DTNB: variants seen among roughly 807,000 people sequenced by gnomAD.
DTNB encodes dystrobrevin beta, also known as DTN-B.
Under a neutral mutation model 90.7 loss-of-function variants are expected in DTNB, and 63 were observed. The ratio of observed to expected loss-of-function variants is 0.69; its 90% confidence interval spans 0.57 to 0.86. The LOEUF is 0.86. DTNB is among the 40% of genes least tolerant of loss of function. DTNB has a pLI of 0.00. For synonymous variants in DTNB, 277 were observed against 286.7 expected (o/e 0.97, Z 0.34); for missense variants, 744 against 807.1 (o/e 0.92, Z 0.95).
chr2:25,508,478 G>A (rs1284234233), intron 9 of DTNB, among the ~76,000 whole-genome samples: 1 of 151,450 alleles, frequency 6.6e-6, no homozygotes, highest in Non-Finnish European at 1.5e-5. Context: ...ATTTATTTAG[G>A]GCTTTTAACA....
chr2:25,661,687 T>A (rs1289544187), intron 1 of DTNB, among the ~76,000 whole-genome samples: 1 of 152,218 alleles, frequency 6.6e-6, no homozygotes, highest in African/African-American at 2.4e-5. Flanking sequence ...AGTATCTGTT[T>A]AATTCTGCAA....
chr2:25,388,184 T>A lies in DTNB; in HGVS notation c.1735+18A>T, dbSNP rs370926681. The A allele has an allele frequency of 2.6e-6, 4 of 1,555,182 alleles. No homozygotes were observed. Among genetic ancestry groups the A allele is most frequent in the Admixed American group, 1.9e-5 (1 of 51,410 alleles). ...ACATCCCTTCAGCTCCCCGCTGAAC[T>A]CTGCTCCAGAAACTCACCTTGTGCG... On this transcript the variant is annotated intron_variant, in intron 17 of 20. Coordinates refer to ENST00000406818, the MANE Select transcript of DTNB (RefSeq NM_021907.5).
At chr2:25,640,189 ATT>A (rs2077952121) in intron 2 of DTNB, among the ~76,000 whole-genome samples, 1 of 152,224 alleles carries the variant, frequency 6.6e-6, no homozygotes, top group Non-Finnish European at 1.5e-5. Flanking sequence ...TCTCATTTTA[ATT>A]GCTGCAAATG....
At position 25,531,464 on chromosome 2, in the gene DTNB, T is replaced by C; in HGVS notation, c.1001+9A>G. ...TGTGATCCACATGCACATCCAGGGGTATACTTACACTATATGTGCAAGGTC... is the reference window on the plus strand; with the variant it reads ...TGTGATCCACATGCACATCCAGGGGCATACTTACACTATATGTGCAAGGTC... On this transcript the variant is annotated intron_variant, in intron 9 of 20. Transcript: ENST00000406818. The C allele has an allele frequency of 6.2e-7, 1 of 1,610,594 alleles. No individual in the cohort carries two copies. Among genetic ancestry groups the C allele is most frequent in the South Asian group, 1.1e-5 (1 of 90,302 alleles).
At chr2:25,451,789 A>C (rs2059330562) in intron 11 of DTNB, among the ~76,000 whole-genome samples, 154 bp from the exon 12 acceptor site, 1 of 152,230 alleles carries the variant, frequency 6.6e-6, no homozygotes, top group Admixed American at 6.5e-5. Flanking sequence ...TTCTGAAAAA[A>C]AGGGGATTTA....
At chr2:25,511,611 C>T (rs1292838920) in intron 9 of DTNB, among the ~76,000 whole-genome samples, 2 of 152,152 alleles carry the variant, frequency 1.3e-5, no homozygotes, top group Non-Finnish European at 2.9e-5. Context: ...GGATTAGAGG[C>T]GTGAGCCACC....
intron 1 of DTNB, 73 bp downstream of exon 1, chr2:25,673,313 C>A (rs577495501): frequency 6.6e-6 from 1 of 151,584 alleles, no homozygotes; most frequent in African/African-American, 2.4e-5. Flanking sequence ...AGCTGCCGTC[C>A]CGCACCTCGC....
At chr2:25,455,749 G>T (rs965646101) in intron 10 of DTNB, among the ~76,000 whole-genome samples, 2 of 152,222 alleles carry the variant, frequency 1.3e-5, no homozygotes, top group Admixed American at 6.5e-5. Context: ...CCCTTGGGAA[G>T]AACCTGTTGA....
At chr2:25,404,094 G>C (rs766177218) in intron 16 of DTNB, among the ~76,000 whole-genome samples, 4 of 152,204 alleles carry the variant, frequency 2.6e-5, no homozygotes, top group African/African-American at 7.2e-5. Flanking sequence ...CCCACACTTG[G>C]CTCCATAGAG....
intron 5 of DTNB, 37 bp downstream of exon 5, chr2:25,607,199 G>A (rs2067296930): frequency 1.3e-6 from 2 of 1,547,548 alleles, no homozygotes; most frequent in East Asian, 2.4e-5. Context: ...GTCCTAATTT[G>A]AAAATGGCAT....
chr2:25,397,783 C>T (rs1026083287), intron 16 of DTNB, among the ~76,000 whole-genome samples: 21 of 149,924 alleles, frequency 1.4e-4, no homozygotes, highest in African/African-American at 2.2e-4. Context: ...AGAAGGCTGA[C>T]GCAGGAGAAT....
intron 5 of DTNB, among the ~76,000 whole-genome samples, chr2:25,598,079 G>A (rs373964079): frequency 1.2e-3 from 184 of 152,276 alleles, no homozygotes; most frequent in African/African-American, 4.1e-3. Context: ...AGCAAGTAGC[G>A]GTCATGTGAC....
At chr2:25,439,344 A>G (rs925895144) in intron 12 of DTNB, among the ~76,000 whole-genome samples, 10 of 152,062 alleles carry the variant, frequency 6.6e-5, no homozygotes, top group Admixed American at 2.0e-4. Context: ...TACAAAAAAT[A>G]CAAAAAAAAT....
chr2:25,609,657 T>TATACAC (rs1427269065), intron 4 of DTNB, among the ~76,000 whole-genome samples: 14 of 127,076 alleles, frequency 1.1e-4, no homozygotes, highest in South Asian at 2.5e-4. Context: ...TAATAGAATG[T>TATACAC]ACACACACAC....
chr2:25,648,072 T>C (rs2079918967), intron 2 of DTNB, among the ~76,000 whole-genome samples: 1 of 151,998 alleles, frequency 6.6e-6, no homozygotes, highest in Non-Finnish European at 1.5e-5. Context: ...CAAAATAAAA[T>C]CAGAATCTCT....
intron 5 of DTNB, among the ~76,000 whole-genome samples, chr2:25,598,279 A>G (rs1000489847): frequency 1.3e-5 from 2 of 152,118 alleles, no homozygotes; most frequent in African/African-American, 4.8e-5. Context: ...GGTAATCTCA[A>G]TCTTGATATA....
Position 25,552,320 on chromosome 2 carries a change from A to G in DTNB, c.877-20723T>C, listed in dbSNP as rs1046518072. The stretch of plus-strand genomic sequence containing the variant: ...GGGATGGAAGGTGCCACCTCATTGA[A>G]AAGCTTTATAGCTAGTCTTCTTAGC... On this transcript the variant is annotated intron_variant, in intron 8 of 20. Transcript: ENST00000406818. Among the ~76,000 whole-genome samples the G allele has an allele frequency of 2.0e-5, 3 of 152,198 alleles. No individual in the cohort carries two copies. The East Asian group carries it at 5.8e-4, about 29-fold the overall frequency.
intron 8 of DTNB, among the ~76,000 whole-genome samples, chr2:25,534,013 A>G (rs1224184149): frequency 6.8e-6 from 1 of 147,286 alleles, no homozygotes; most frequent in Non-Finnish European, 1.5e-5. Context: ...TTTTTTTTTA[A>G]GTATTTATTG....
At chr2:25,446,340 A>G (rs1384135300) in intron 12 of DTNB, among the ~76,000 whole-genome samples, 1 of 152,142 alleles carries the variant, frequency 6.6e-6, no homozygotes, top group Admixed American at 6.6e-5. Context: ...GGGCTCAAGC[A>G]ATTCTCCCAC....
Sources: allele counts gnomAD v4.1 joint callset (sites outside exome capture counted in the v4.1 genomes callset), GRCh38; gene constraint gnomAD v4.1.1; transcripts MANE v1.5; gene names NCBI Gene and HGNC (gene_info 2026-07-23, HGNC 2026-07-21).